The following CNTNAP5 variants were observed in gnomAD, a reference collection of about 807,000 sequenced individuals.
CNTNAP5 encodes contactin associated protein family member 5, also known as contactin-associated protein-like 5.
CNTNAP5 carries 72 observed loss-of-function variants against 150.2 expected under a neutral mutation model. That is an observed-to-expected ratio of 0.48 (90% CI 0.40 to 0.58). The LOEUF (loss-of-function observed/expected upper bound fraction) is 0.58. CNTNAP5 is among the 20% of genes least tolerant of loss of function. The pLI is 0.00. For synonymous variants in CNTNAP5, 672 were observed against 619.8 expected, an observed-to-expected ratio of 1.08 and a Z score of -1.25; for missense variants, 1,636 against 1,626.2, an observed-to-expected ratio of 1.01 and a Z score of -0.10.
intron 3 of CNTNAP5, among the ~76,000 whole-genome samples, chr2:124,312,795 C>T (rs1292852360): frequency 6.6e-6 from 1 of 152,204 alleles, no homozygotes; most frequent in East Asian, 1.9e-4. Flanking sequence ...TGGTCTCCAT[C>T]TCCTGACCTC....
chr2:124,516,659 G>T (rs1227253643), intron 8 of CNTNAP5, among the ~76,000 whole-genome samples: 2 of 152,202 alleles, frequency 1.3e-5, no homozygotes, highest in African/African-American at 4.8e-5. Flanking sequence ...GTGTGTGGCT[G>T]TCATGGCCTA....
Position 124,428,295 on chromosome 2 carries a change from C to T in CNTNAP5, c.530-6189C>T, listed in dbSNP as rs75067969. On this transcript the variant is annotated intron_variant, in intron 4 of 23. Coordinates refer to ENST00000682447, the MANE Select transcript of CNTNAP5 (RefSeq NM_001367498.1). The stretch of plus-strand genomic sequence containing the variant: ...CTGCCCCTCCCTGGAGAGGGTTCAG[C>T]GCTCCCTCAGCACACAGTGCTCACC... Among the ~76,000 whole-genome samples, 13 of 152,250 alleles carry T rather than the reference C, an allele frequency of 8.5e-5. No individual in the cohort carries two copies. The East Asian group carries it at 1.6e-3, about 18-fold the overall frequency.
At position 124,692,489 on chromosome 2, in the gene CNTNAP5, T is replaced by TA. The variant is rs201598034; in HGVS notation, c.2077+44534dup. 7.4e-3 allele frequency among the ~76,000 whole-genome samples: 1,129 copies of TA among 152,218 alleles called. 16 individuals are homozygous for TA. Among genetic ancestry groups the TA allele is most frequent in the African/African-American group, 0.026 (1,092 of 41,536 alleles). On this transcript the variant is annotated intron_variant, in intron 13 of 23. Coordinates refer to ENST00000682447, the MANE Select transcript of CNTNAP5 (RefSeq NM_001367498.1). ...AGGCACTAAGTTTGATCAAGTTTGT[T>TA]AAACAGCAAAAGATCACTGAAACAA...
intron 2 of CNTNAP5, among the ~76,000 whole-genome samples, chr2:124,233,188 A>G (rs932651314): frequency 1.3e-5 from 2 of 152,136 alleles, no homozygotes; most frequent in Non-Finnish European, 2.9e-5. Flanking sequence ...GGAACTGATA[A>G]GCCTGCCCAA....
At chr2:124,843,899 G>T (rs1682994869) in intron 19 of CNTNAP5, among the ~76,000 whole-genome samples, 1 of 152,048 alleles carries the variant, frequency 6.6e-6, no homozygotes, top group Non-Finnish European at 1.5e-5. Flanking sequence ...TGTAGATTCT[G>T]GATATTAGTC....
intron 10 of CNTNAP5, among the ~76,000 whole-genome samples, chr2:124,529,841 G>A (rs779323332): frequency 6.6e-6 from 1 of 152,082 alleles, no homozygotes; most frequent in Non-Finnish European, 1.5e-5. Flanking sequence ...GCAGGCTGTA[G>A]AGAACCAGGC....
At position 124,838,612 on chromosome 2, in the gene CNTNAP5, G is replaced by A. The variant is rs557096284; in HGVS notation, c.3218-26694G>A. Among the ~76,000 whole-genome samples, 21 of 152,224 alleles carry A rather than the reference G, an allele frequency of 1.4e-4. No individual in the cohort carries two copies. In the East Asian group the frequency reaches 2.5e-3, roughly 18 times the overall value. ...TGTCTTATCTCATGCAGCTGGCTGC[G>A]AATCAAATAGGGTCACAGTCTACAC... is the stretch of plus-strand genomic sequence containing the variant. On this transcript the variant is annotated intron_variant, in intron 19 of 23. Transcript: ENST00000682447.
chr2:124,664,342 A>AAC (rs1678653806), intron 13 of CNTNAP5, among the ~76,000 whole-genome samples: 1 of 147,672 alleles, frequency 6.8e-6, no homozygotes, highest in African/African-American at 2.5e-5. Context: ...AAAAAAAAAA[A>AAC]AGGAAAGAAA....
chr2:124,069,744 T>G (rs1682254725), intron 1 of CNTNAP5, among the ~76,000 whole-genome samples: 1 of 152,134 alleles, frequency 6.6e-6, no homozygotes, highest in Non-Finnish European at 1.5e-5. Flanking sequence ...ATCACCAAGC[T>G]GTGGGATTTC....
intron 1 of CNTNAP5, among the ~76,000 whole-genome samples, chr2:124,091,908 A>C (rs2104686847): frequency 6.6e-6 from 1 of 152,252 alleles, no homozygotes; most frequent in East Asian, 1.9e-4. Flanking sequence ...TCAAATACAC[A>C]TTACCTGAAA....
intron 3 of CNTNAP5, among the ~76,000 whole-genome samples, chr2:124,342,567 CA>C (rs2104693468): frequency 6.6e-6 from 1 of 152,224 alleles, no homozygotes; most frequent in South Asian, 2.1e-4. Context: ...GGTAATATAA[CA>C]GTGTTTCCAA....
At chr2:124,294,852 AGAG>A (rs1221148921) in intron 3 of CNTNAP5, among the ~76,000 whole-genome samples, 1 of 152,220 alleles carries the variant, frequency 6.6e-6, no homozygotes, top group Non-Finnish European at 1.5e-5. Context: ...ATAAAACTAG[AGAG>A]GAGATGGCTG....
At chr2:124,744,256 T>C (rs562986755) in intron 13 of CNTNAP5, among the ~76,000 whole-genome samples, 148 of 152,172 alleles carry the variant, frequency 9.7e-4, no homozygotes, top group African/African-American at 3.4e-3. Flanking sequence ...TATAAGGGGT[T>C]TACCCTTTCA....
chr2:124,898,096 C>G (rs1042262483), intron 21 of CNTNAP5, among the ~76,000 whole-genome samples: 1 of 151,172 alleles, frequency 6.6e-6, no homozygotes. Context: ...TACCTGAAAG[C>G]CACAATGAAC....
intron 1 of CNTNAP5, among the ~76,000 whole-genome samples, chr2:124,104,335 CAGTA>C (rs1335610436): frequency 1.3e-5 from 2 of 152,006 alleles, no homozygotes; most frequent in African/African-American, 2.4e-5. Context: ...CCATAAATAT[CAGTA>C]AGTGTCATTG....
At position 124,206,419 on chromosome 2, in the gene CNTNAP5, T is replaced by A. The variant is rs1685863577; in HGVS notation, c.83-15286T>A. Among the ~76,000 whole-genome samples, 6 of 152,338 alleles carry A rather than the reference T, an allele frequency of 3.9e-5. No individual in the cohort carries two copies. The South Asian group carries it at 1.2e-3, about 32-fold the overall frequency. On this transcript the variant is annotated intron_variant, in intron 1 of 23. Coordinates refer to ENST00000682447, the MANE Select transcript of CNTNAP5 (RefSeq NM_001367498.1). ...ATTTTGTGATGCAAAGGGAAACCCT[T>A]GTCAACATAATGCGTGTATGAATAA... is the stretch of plus-strand genomic sequence containing the variant.
intron 1 of CNTNAP5, among the ~76,000 whole-genome samples, chr2:124,163,929 C>G (rs1047552032): frequency 2.0e-5 from 3 of 151,868 alleles, no homozygotes; most frequent in Admixed American, 6.6e-5. Flanking sequence ...TTCTTTGTTC[C>G]AAGGTCTATG....
At chr2:124,802,633 A>T (rs1417736628) in intron 19 of CNTNAP5, among the ~76,000 whole-genome samples, 1 of 152,180 alleles carries the variant, frequency 6.6e-6, no homozygotes, top group Non-Finnish European at 1.5e-5. Flanking sequence ...ACAGAAAGGG[A>T]GATGAGCTCA....
At chr2:124,574,352 T>G (rs1286105245) in intron 11 of CNTNAP5, among the ~76,000 whole-genome samples, 7 of 152,228 alleles carry the variant, frequency 4.6e-5, no homozygotes, top group African/African-American at 1.7e-4. Context: ...TTTGATTTGC[T>G]CTAGCAGCAT....
Sources: allele counts gnomAD v4.1 joint callset (sites outside exome capture counted in the v4.1 genomes callset), GRCh38; gene constraint gnomAD v4.1.1; transcripts MANE v1.5; gene names NCBI Gene and HGNC (gene_info 2026-07-23, HGNC 2026-07-21).